The following SULF1 variants were observed in gnomAD, a reference collection of about 807,000 sequenced individuals.
SULF1 encodes the protein extracellular sulfatase Sulf-1.
SULF1 carries 46 observed loss-of-function variants against 110.5 expected under a neutral mutation model. The ratio of observed to expected loss-of-function variants is 0.42; its 90% confidence interval spans 0.33 to 0.53. SULF1 has a LOEUF of 0.53. SULF1 is among the 20% of genes least tolerant of loss of function. The probability of loss-of-function intolerance (pLI) is 0.12; values close to 1 mark genes in which losing one functional copy is unlikely to be tolerated. For missense variants in SULF1, 941 were observed against 1,094.2 expected (o/e 0.86, Z 1.98); for synonymous variants, 371 against 387.1 (o/e 0.96, Z 0.49).
At chr8:69,472,959 C>T (rs1264611249) in intron 1 of SULF1, among the ~76,000 whole-genome samples, 1 of 152,178 alleles carries the variant, frequency 6.6e-6, no homozygotes, top group Non-Finnish European at 1.5e-5. Flanking sequence ...GCCTCAGTCT[C>T]ATGAGTAGCT....
intron 6 of SULF1, among the ~76,000 whole-genome samples, chr8:69,585,146 G>GGT (rs141955554): frequency 1.6e-3 from 247 of 150,366 alleles, no homozygotes; most frequent in African/African-American, 3.5e-3. Context: ...CATGCATAGG[G>GGT]GTGTGTGTGT....
intron 8 of SULF1, 63 bp downstream of exon 8, chr8:69,589,204 C>T: frequency 6.7e-7 from 1 of 1,500,568 alleles, no homozygotes; most frequent in Non-Finnish European, 9.1e-7. Flanking sequence ...CCTCATCCCA[C>T]TCCTCTCCTT....
At chr8:69,477,543 C>T (rs1271779664) in intron 1 of SULF1, among the ~76,000 whole-genome samples, 1 of 152,112 alleles carries the variant, frequency 6.6e-6, no homozygotes, top group Non-Finnish European at 1.5e-5. Context: ...TATTATTCCC[C>T]TGGTAACTTT....
chr8:69,479,749 G>A (rs1809439233), intron 1 of SULF1, among the ~76,000 whole-genome samples: 1 of 152,198 alleles, frequency 6.6e-6, no homozygotes, highest in South Asian at 2.1e-4. Context: ...GACTGGGTTT[G>A]TTGGGAGACC....
intron 3 of SULF1, among the ~76,000 whole-genome samples, chr8:69,528,606 C>A (rs2150634569): frequency 6.6e-6 from 1 of 152,294 alleles, no homozygotes; most frequent in African/African-American, 2.4e-5. Context: ...ATAAATCCAA[C>A]TTTTGGACAT....
In SULF1 at chr8:69,638,721, G is replaced by A. The variant is rs748665826; in HGVS notation, c.2428-14G>A. 6 of 1,613,434 alleles carry A rather than the reference G, an allele frequency of 3.7e-6. No individual in the cohort carries two copies. The highest frequency in any genetic ancestry group is 3.3e-5 in the Admixed American group (2 of 59,852). On this transcript the variant is annotated splice_polypyrimidine_tract_variant and intron_variant, in intron 20 of 22. Coordinates refer to ENST00000402687, the MANE Select transcript of SULF1 (RefSeq NM_001128205.2). Reference sequence around the variant, plus strand: ...GACATAAGCTTAAATAGATTGTCCTGTCTGCATTCACAGCTCACAAATACA... The same window carrying A: ...GACATAAGCTTAAATAGATTGTCCTATCTGCATTCACAGCTCACAAATACA...
intron 13 of SULF1, among the ~76,000 whole-genome samples, chr8:69,613,744 T>G (rs1808854471): frequency 6.6e-6 from 1 of 152,162 alleles, no homozygotes; most frequent in Non-Finnish European, 1.5e-5. Flanking sequence ...CAGAAAACAT[T>G]AGCTTGCCCA....
intron 3 of SULF1, among the ~76,000 whole-genome samples, chr8:69,513,638 C>T (rs1233623595): frequency 6.6e-6 from 1 of 152,132 alleles, no homozygotes; most frequent in Admixed American, 6.5e-5. Flanking sequence ...TGATCAGGTG[C>T]CTGAAATGAG....
chr8:69,593,421 T>C (rs1807051299), intron 8 of SULF1, among the ~76,000 whole-genome samples: 1 of 152,220 alleles, frequency 6.6e-6, no homozygotes, highest in South Asian at 2.1e-4. Flanking sequence ...ATTGCAGGGA[T>C]GCAAGTAACG....
intron 22 of SULF1, among the ~76,000 whole-genome samples, chr8:69,655,942 G>A (rs1341972609): frequency 6.6e-6 from 1 of 152,050 alleles, no homozygotes; most frequent in Non-Finnish European, 1.5e-5. Context: ...TCTATTAAAT[G>A]TGCACCCTCT....
At chr8:69,560,581 G>A (rs780392230) in intron 3 of SULF1, among the ~76,000 whole-genome samples, 1 of 152,140 alleles carries the variant, frequency 6.6e-6, no homozygotes, top group East Asian at 1.9e-4. Context: ...AAACCTTTCT[G>A]CATTTCTTTC....
chr8:69,535,969 G>C (rs1813404248), intron 3 of SULF1, among the ~76,000 whole-genome samples: 1 of 151,402 alleles, frequency 6.6e-6, no homozygotes, highest in Non-Finnish European at 1.5e-5. Flanking sequence ...AGTGAGCCGA[G>C]ATTGTACCAT....
chr8:69,638,123 T>G (rs1212627362), intron 19 of SULF1: 1 of 207,158 alleles, frequency 4.8e-6, no homozygotes. Context: ...TTCCATATCT[T>G]TATTAAATAA....
In SULF1 at chr8:69,588,965, G is replaced by C. The variant is rs1563559406; in HGVS notation, c.565-7G>C. 3 of 1,602,550 alleles carry C rather than the reference G, an allele frequency of 1.9e-6. No individual in the cohort carries two copies. Among genetic ancestry groups the C allele is most frequent in the Non-Finnish European group, 2.6e-6 (3 of 1,171,202 alleles). ...AATTTTTGTTTTGTGTCAAATGTATGTTTCAGGACTACTTCACAGACTTAA... is the reference window on the plus strand; with the variant it reads ...AATTTTTGTTTTGTGTCAAATGTATCTTTCAGGACTACTTCACAGACTTAA... On this transcript the variant is annotated splice_polypyrimidine_tract_variant and splice_region_variant and intron_variant, in intron 7 of 22. Coordinates refer to ENST00000402687, the MANE Select transcript of SULF1 (RefSeq NM_001128205.2).
chr8:69,563,005 GA>G, intron 3 of SULF1: 1 of 152,348 alleles, frequency 6.6e-6, no homozygotes, highest in Non-Finnish European at 1.5e-5. Context: ...TCAGAGACTG[GA>G]AAAAATTGTC....
At chr8:69,487,883 G>T (rs904033887), upstream of SULF1, among the ~76,000 whole-genome samples, 1 of 152,096 alleles carries the variant, frequency 6.6e-6, no homozygotes, top group African/African-American at 2.4e-5. Flanking sequence ...AACGTGTGTC[G>T]AAAAGCATGT....
intron 22 of SULF1, among the ~76,000 whole-genome samples, chr8:69,650,639 C>T (rs1812268012): frequency 6.6e-6 from 1 of 152,174 alleles, no homozygotes; most frequent in Admixed American, 6.5e-5. Context: ...TTTTCCTCCT[C>T]TCCTGCGTAT....
chr8:69,626,544 G>A (rs949452799), intron 15 of SULF1, among the ~76,000 whole-genome samples: 4 of 152,242 alleles, frequency 2.6e-5, no homozygotes, highest in African/African-American at 9.6e-5. Context: ...GGTGGTGCTC[G>A]TCGGGGAGGC....
intron 8 of SULF1, among the ~76,000 whole-genome samples, chr8:69,592,048 G>A (rs890290858): frequency 3.9e-5 from 6 of 152,154 alleles, no homozygotes; most frequent in Admixed American, 2.6e-4. Context: ...GCTGTGGAGC[G>A]GGGAGGGAGA....
Sources: gnomAD v4.1 joint callset for allele counts (sites outside exome capture counted in the v4.1 genomes callset) on GRCh38, gnomAD v4.1.1 for gene constraint, MANE v1.5 for transcripts, NCBI Gene and HGNC (gene_info 2026-07-23, HGNC 2026-07-21) for gene names.